Variants in HYCC1 observed in about 807,000 individuals in gnomAD.
HYCC1 encodes hyccin PI4KA lipid kinase complex subunit 1.
the HYCC1 span, among the ~76,000 whole-genome samples, chr7:22,921,075 A>T: frequency 6.6e-6 from 1 of 152,162 alleles, no homozygotes; most frequent in Admixed American, 6.6e-5. Flanking sequence ...CAGCCTGCAG[A>T]ACTGTGAGCC....
chr7:22,952,512 G>C, the HYCC1 span, among the ~76,000 whole-genome samples: 3 of 151,948 alleles, frequency 2.0e-5, no homozygotes, highest in East Asian at 5.8e-4. Flanking sequence ...GGTGAGAGTG[G>C]TCTTAAAGTG....
the HYCC1 span, among the ~76,000 whole-genome samples, chr7:22,956,047 T>G: frequency 6.6e-6 from 1 of 151,774 alleles, no homozygotes; most frequent in Non-Finnish European, 1.5e-5. Flanking sequence ...GAATTTTCAT[T>G]TTGACTTTTA....
At chr7:22,929,937 C>T in the HYCC1 span, among the ~76,000 whole-genome samples, 2 of 152,052 alleles carry the variant, frequency 1.3e-5, no homozygotes, top group African/African-American at 4.8e-5. Context: ...GACTTGGAAC[C>T]AACCCAAATG....
At chr7:22,914,979 GCTC>G in the HYCC1 span, among the ~76,000 whole-genome samples, 21 of 152,270 alleles carry the variant, frequency 1.4e-4, no homozygotes, top group South Asian at 2.1e-3. Flanking sequence ...CAAGGCTAAT[GCTC>G]CTTTTTCTTT....
chr7:22,907,450 G>T, the HYCC1 span, among the ~76,000 whole-genome samples: 6 of 152,326 alleles, frequency 3.9e-5, no homozygotes, highest in African/African-American at 1.2e-4. Context: ...GATCTGTTAG[G>T]AGAGTGAACA....
chr7:23,000,622 A>G, the HYCC1 span, among the ~76,000 whole-genome samples: 1 of 152,086 alleles, frequency 6.6e-6, no homozygotes, highest in South Asian at 2.1e-4. Flanking sequence ...TCAACAAACG[A>G]TCTCTCCTGT....
the HYCC1 span, chr7:22,940,301 G>A: frequency 7.3e-6 from 1 of 137,246 alleles, no homozygotes; most frequent in East Asian, 2.2e-4. Flanking sequence ...GCCCAGGCTG[G>A]AGTACAGTGG....
the HYCC1 span, among the ~76,000 whole-genome samples, chr7:22,907,488 C>G: frequency 6.6e-6 from 1 of 152,114 alleles, no homozygotes; most frequent in Non-Finnish European, 1.5e-5. Flanking sequence ...TATTGAGAAC[C>G]TTTTAGGTAT....
chr7:22,910,120 T>C, the HYCC1 span, among the ~76,000 whole-genome samples: 1 of 152,228 alleles, frequency 6.6e-6, no homozygotes, highest in Admixed American at 6.5e-5. Flanking sequence ...TGCCAAGTAC[T>C]GTCTGATGTG....
chr7:22,999,203 T>G, the HYCC1 span, among the ~76,000 whole-genome samples: 1 of 152,220 alleles, frequency 6.6e-6, no homozygotes, highest in Non-Finnish European at 1.5e-5. Context: ...TGTATTTCAC[T>G]AAATATAAAA....
the HYCC1 span, among the ~76,000 whole-genome samples, chr7:23,006,750 G>A: frequency 1.3e-5 from 2 of 152,264 alleles, no homozygotes; most frequent in South Asian, 4.1e-4. Flanking sequence ...GTATTTATAT[G>A]AGAAAGCAAC....
the HYCC1 span, among the ~76,000 whole-genome samples, chr7:22,912,603 C>A: frequency 6.6e-6 from 1 of 152,146 alleles, no homozygotes; most frequent in South Asian, 2.1e-4. Context: ...CCAAGAAGAT[C>A]AGAGGCTACT....
At chr7:22,898,405 G>C in the HYCC1 span, among the ~76,000 whole-genome samples, 2 of 151,548 alleles carry the variant, frequency 1.3e-5, no homozygotes, top group East Asian at 3.9e-4. Flanking sequence ...GTAGAGATGG[G>C]GTTTCACCAT....
At chr7:22,965,883 C>A in the HYCC1 span, among the ~76,000 whole-genome samples, 5 of 152,006 alleles carry the variant, frequency 3.3e-5, no homozygotes, top group East Asian at 5.8e-4. Context: ...GCCTCCCAGT[C>A]GCTGAGATTA....
chr7:22,978,916 A>G, the HYCC1 span, among the ~76,000 whole-genome samples: 2 of 152,202 alleles, frequency 1.3e-5, no homozygotes, highest in Admixed American at 1.3e-4. Flanking sequence ...TCCAGTTAAT[A>G]GAGCTGACTG....
chr7:22,978,963 A>T, the HYCC1 span, among the ~76,000 whole-genome samples: 1 of 152,204 alleles, frequency 6.6e-6, no homozygotes, highest in African/African-American at 2.4e-5. Context: ...CAGATAGGCA[A>T]GGTAAGACCC....
the HYCC1 span, among the ~76,000 whole-genome samples, chr7:22,960,644 T>G: frequency 2.0e-5 from 3 of 152,308 alleles, no homozygotes; most frequent in African/African-American, 7.2e-5. Context: ...AATATTCAAT[T>G]AGATTTCCAA....
chr7:22,924,397 G>A, the HYCC1 span, among the ~76,000 whole-genome samples: 15 of 152,258 alleles, frequency 9.9e-5, no homozygotes, highest in South Asian at 2.1e-4. Context: ...TGCCTCACCC[G>A]GGAAACACAA....
the HYCC1 span, among the ~76,000 whole-genome samples, chr7:22,924,224 G>A: frequency 6.6e-6 from 1 of 150,708 alleles, no homozygotes; most frequent in African/African-American, 2.4e-5. Flanking sequence ...GGCCGAATAG[G>A]AACAGCTGCA....
Sources: gnomAD v4.1 joint callset for allele counts (sites outside exome capture counted in the v4.1 genomes callset) on GRCh38, gnomAD v4.1.1 for gene constraint, MANE v1.5 for transcripts, NCBI Gene and HGNC (gene_info 2026-07-23, HGNC 2026-07-21) for gene names.